FGGY: variants seen among roughly 807,000 people sequenced by gnomAD.
FGGY encodes the protein FGGY carbohydrate kinase domain containing.
A neutral mutation model predicts 71.3 loss-of-function variants in FGGY; 72 were observed. The ratio of observed to expected loss-of-function variants is 1.01; its 90% CI spans 0.84 to 1.23. The LOEUF is 1.23. Among genes scored for constraint, FGGY ranks in the 50% most tolerant of loss-of-function variants. The pLI is 0.00. For missense variants in FGGY, 668 were observed against 682.3 expected, an observed-to-expected ratio of 0.98 and a Z score of 0.23; for synonymous variants, 251 against 250.3, an observed-to-expected ratio of 1.00 and a Z score of -0.02.
At chr1:59,712,272 G>A (rs527239243) in intron 14 of FGGY, among the ~76,000 whole-genome samples, 1 of 152,306 alleles carries the variant, frequency 6.6e-6, no homozygotes, top group Admixed American at 6.5e-5. Flanking sequence ...ATCTTGGGCA[G>A]CTCTGCCCCT....
chr1:59,639,943 T>A (rs1448965252), intron 11 of FGGY, among the ~76,000 whole-genome samples: 1 of 152,174 alleles, frequency 6.6e-6, no homozygotes, highest in Non-Finnish European at 1.5e-5. Context: ...TCTAATACAG[T>A]TGACCCAAAT....
chr1:59,662,399 A>G (rs539151139), intron 12 of FGGY, among the ~76,000 whole-genome samples: 6 of 152,008 alleles, frequency 3.9e-5, no homozygotes, highest in African/African-American at 1.4e-4. Context: ...ATTTAACCTT[A>G]CTACGTAGAT....
chr1:59,571,622 G>C (rs1243397995), intron 8 of FGGY, among the ~76,000 whole-genome samples: 1 of 152,142 alleles, frequency 6.6e-6, no homozygotes, highest in Non-Finnish European at 1.5e-5. Flanking sequence ...TTGTGTACCA[G>C]TAAGTGCCCA....
chr1:59,424,355 T>A (rs1307305191), intron 5 of FGGY, among the ~76,000 whole-genome samples: 1 of 152,198 alleles, frequency 6.6e-6, no homozygotes, highest in Non-Finnish European at 1.5e-5. Flanking sequence ...GAAACTGTCC[T>A]GCTCAACATG....
Position 59,346,351 on chromosome 1 carries a change from G to T in FGGY, c.418G>T (p.Val140Leu), listed in dbSNP as rs761896156. 15 of 1,611,682 alleles carry T rather than the reference G, an allele frequency of 9.3e-6. No individual in the cohort carries two copies. The Admixed American group carries it at 2.3e-4, about 25-fold the overall frequency. ...CAGTGTCCTCCAGTACGTCGGGGGG[G>T]TGATGTCTGTGGAAATGCAGGCCCC... is the stretch of plus-strand genomic sequence containing the variant. Reference protein sequence around the residue: ...KHSVLQYVGGVMSVEMQAPKL... With the variant: ...KHSVLQYVGGLMSVEMQAPKL... The change falls in exon 4 of 16, where the codon GTG becomes TTG. Residue 140 changes from valine to leucine, a missense_variant. Physicochemically the swap from Val to Leu is conservative, Grantham distance 32. Transcript: ENST00000303721.
At chr1:59,693,281 A>C (rs1381242399) in intron 14 of FGGY, among the ~76,000 whole-genome samples, 1 of 152,240 alleles carries the variant, frequency 6.6e-6, no homozygotes, top group Non-Finnish European at 1.5e-5. Context: ...CATCACTTAC[A>C]TGCTCAGCCT....
intron 9 of FGGY, among the ~76,000 whole-genome samples, chr1:59,613,527 T>G (rs1032429621): frequency 2.0e-5 from 3 of 152,120 alleles, no homozygotes; most frequent in Non-Finnish European, 4.4e-5. Flanking sequence ...TAGCACTAAA[T>G]GCCCACAAGA....
intron 7 of FGGY, 149 bp downstream of exon 7, chr1:59,512,588 C>A: frequency 1.5e-6 from 1 of 662,002 alleles, no homozygotes; most frequent in Non-Finnish European, 2.2e-6. Context: ...TACAGCTAGG[C>A]ATTTGGATAG....
At chr1:59,615,044 G>A (rs932428911) in intron 9 of FGGY, among the ~76,000 whole-genome samples, 20 of 152,174 alleles carry the variant, frequency 1.3e-4, no homozygotes, top group African/African-American at 4.8e-4. Flanking sequence ...TGGGTAGGAA[G>A]AATCAATATC....
At chr1:59,495,732 G>A (rs1024014586) in intron 6 of FGGY, among the ~76,000 whole-genome samples, 1 of 151,976 alleles carries the variant, frequency 6.6e-6, no homozygotes, top group Non-Finnish European at 1.5e-5. Flanking sequence ...TATTGAATTG[G>A]GGGGAGGGGT....
intron 8 of FGGY, among the ~76,000 whole-genome samples, chr1:59,597,083 CT>C (rs372712272): frequency 8.6e-4 from 131 of 152,230 alleles, no homozygotes; most frequent in African/African-American, 3.1e-3. Context: ...TTCTTTTTGC[CT>C]ATTCAGTTTA....
chr1:59,673,166 C>T (rs762151945), intron 13 of FGGY, among the ~76,000 whole-genome samples: 1 of 152,140 alleles, frequency 6.6e-6, no homozygotes, highest in Non-Finnish European at 1.5e-5. Flanking sequence ...AGACATTAAA[C>T]AAGATAAGTA....
rs559207251 is a variant in FGGY at position 59,725,513 on chromosome 1, C to T, written c.1513-32418C>T. Among the ~76,000 whole-genome samples, 73 of 152,186 alleles carry T rather than the reference C, an allele frequency of 4.8e-4. No individual in the cohort carries two copies. The South Asian group carries it at 5.4e-3, about 11-fold the overall frequency. ...ATTTTATGGATACTTAAAAATAGTT[C>T]GCTGAAAATTCAATTTATTTATTTC... On this transcript the variant is annotated intron_variant, in intron 14 of 15. Coordinates refer to ENST00000303721, the MANE Select transcript of FGGY (RefSeq NM_018291.5).
At chr1:59,576,653 TACA>T (rs2096080942) in intron 8 of FGGY, among the ~76,000 whole-genome samples, 1 of 106,820 alleles carries the variant, frequency 9.4e-6, no homozygotes, top group South Asian at 4.0e-4. Flanking sequence ...TGCTAGAGAT[TACA>T]GACAGACAGA....
In FGGY at chr1:59,430,442, C is replaced by T. The variant is rs1442080702; in HGVS notation, c.555-26519C>T. On this transcript the variant is annotated intron_variant, in intron 5 of 15. Transcript: ENST00000303721. ...AGACATTTCATATTACACTGGAAGACATGAATGTCTTTTGCAGGTGTCAGG... is the reference window on the plus strand; with the variant it reads ...AGACATTTCATATTACACTGGAAGATATGAATGTCTTTTGCAGGTGTCAGG... Among the ~76,000 whole-genome samples, 5 of 152,120 alleles carry T rather than the reference C, an allele frequency of 3.3e-5. No individual in the cohort carries two copies. The East Asian group carries it at 5.8e-4, about 18-fold the overall frequency.
At chr1:59,347,168 C>T (rs1328156877) in intron 4 of FGGY, among the ~76,000 whole-genome samples, 1 of 150,044 alleles carries the variant, frequency 6.7e-6, no homozygotes, top group Admixed American at 6.7e-5. Flanking sequence ...CATATGTATA[C>T]GTGTGCCATG....
At chr1:59,720,795 A>T (rs909223988) in intron 14 of FGGY, among the ~76,000 whole-genome samples, 6 of 152,202 alleles carry the variant, frequency 3.9e-5, no homozygotes, top group African/African-American at 1.2e-4. Context: ...TTTAGGAGGA[A>T]GTTTCCACTC....
At chr1:59,509,498 G>T (rs2094468688) in intron 6 of FGGY, among the ~76,000 whole-genome samples, 1 of 152,078 alleles carries the variant, frequency 6.6e-6, no homozygotes. Context: ...GGATTACAAG[G>T]CCCTGCATCC....
intron 7 of FGGY, among the ~76,000 whole-genome samples, chr1:59,536,775 G>A (rs942988874): frequency 6.6e-6 from 1 of 152,058 alleles, no homozygotes; most frequent in South Asian, 2.1e-4. Context: ...AATAGATGCA[G>A]GCCTTTGACA....
Sources: allele counts gnomAD v4.1 joint callset (sites outside exome capture counted in the v4.1 genomes callset), GRCh38; gene constraint gnomAD v4.1.1; transcripts MANE v1.5; gene names NCBI Gene and HGNC (gene_info 2026-07-23, HGNC 2026-07-21).